ACOT12: variants seen among roughly 807,000 people sequenced by gnomAD.
The protein encoded by ACOT12 is acyl-CoA thioesterase 12.
Under a neutral mutation model 67.7 loss-of-function variants are expected in ACOT12, and 51 were observed. The observed-to-expected ratio is 0.75, with a 90% CI of 0.60 to 0.95. The LOEUF is 0.95. Among genes scored for constraint, ACOT12 ranks in the 40% least tolerant of loss-of-function variants. The pLI is 0.00. For synonymous variants in ACOT12, 251 were observed against 244.6 expected (o/e 1.03, Z -0.24); for missense variants, 734 against 708.1 (o/e 1.04, Z -0.41).
At chr5:81,382,968 T>G (rs1382407143) in intron 2 of ACOT12, among the ~76,000 whole-genome samples, 1 of 152,132 alleles carries the variant, frequency 6.6e-6, no homozygotes, top group Non-Finnish European at 1.5e-5. Flanking sequence ...AGAGAAGTAT[T>G]TTAGAAAATA....
In ACOT12 at chr5:81,362,172, T is replaced by C. The variant is rs10040257; in HGVS notation, c.360+1616A>G. ...GTGTGACTATTATATTCTTTTTTTTTTTTTTTTTTTGAGACGGAGTTTTGC... is the reference window on the plus strand; with the variant it reads ...GTGTGACTATTATATTCTTTTTTTTCTTTTTTTTTTGAGACGGAGTTTTGC... On this transcript the variant is annotated intron_variant, in intron 4 of 14. Coordinates refer to ENST00000307624, the MANE Select transcript of ACOT12 (RefSeq NM_130767.3). Among the ~76,000 whole-genome samples the C allele has an allele frequency of 8.2e-3, 1,246 of 151,406 alleles. 18 individuals are homozygous for C. The highest frequency in any genetic ancestry group is 0.028 in the African/African-American group (1,171 of 41,258).
chr5:81,358,049 C>T (rs11741735), intron 5 of ACOT12, among the ~76,000 whole-genome samples: 1 of 147,354 alleles, frequency 6.8e-6, no homozygotes, highest in African/African-American at 2.5e-5. Context: ...AGAAAAACAA[C>T]TGTATTTTGA....
chr5:81,329,101 T>C (rs551822987), downstream of ACOT12, among the ~76,000 whole-genome samples: 2 of 152,322 alleles, frequency 1.3e-5, no homozygotes, highest in Non-Finnish European at 2.9e-5. Flanking sequence ...GTGATCCAGC[T>C]ATCATCACTC....
chr5:81,367,835 T>A (rs941317093), intron 3 of ACOT12, among the ~76,000 whole-genome samples: 5 of 152,074 alleles, frequency 3.3e-5, no homozygotes, highest in Non-Finnish European at 7.4e-5. Context: ...CCCACTTACA[T>A]GTACAAAAAG....
chr5:81,354,705 T>TC (rs1491293822), intron 5 of ACOT12, among the ~76,000 whole-genome samples: 1 of 58,266 alleles, frequency 1.7e-5, no homozygotes, highest in Admixed American at 1.7e-4. Flanking sequence ...CAATTATGTC[T>TC]TTTTTTTTTT....
In ACOT12 at chr5:81,345,963, A is replaced by G. The variant is rs369118490; in HGVS notation, c.695T>C (p.Met232Thr). ...WAHPFLKSVDMFKFRGPSTVG... is the reference protein window; with the variant it reads ...WAHPFLKSVDTFKFRGPSTVG... Reference sequence around the variant, plus strand: ...TGTAGATGGTCCCCGGAACTTAAACATATCTACGGACTTCAGAAAGGGATG... The same window carrying G: ...TGTAGATGGTCCCCGGAACTTAAACGTATCTACGGACTTCAGAAAGGGATG... The change falls in exon 7 of 15, where the codon ATG (methionine) becomes ACG (threonine). Residue 232 changes from methionine (M) to threonine (T), a missense_variant. Physicochemically the swap from Met to Thr is moderately conservative, Grantham distance 81. Coordinates refer to ENST00000307624, the MANE Select transcript of ACOT12 (RefSeq NM_130767.3). 8.9e-5 allele frequency: 143 copies of G among 1,614,002 alleles called. No homozygotes were observed. The highest frequency in any genetic ancestry group is 1.1e-4 in the Non-Finnish European group (124 of 1,179,976).
chr5:81,393,934 G>A (rs1019012605), intron 1 of ACOT12, 54 bp downstream of exon 1: 3 of 1,273,706 alleles, frequency 2.4e-6, no homozygotes, highest in Non-Finnish European at 2.0e-6. Flanking sequence ...CCCAGCCGCC[G>A]CCGCTCCCGC....
chr5:81,380,144 C>T (rs1760535862), intron 2 of ACOT12, among the ~76,000 whole-genome samples: 1 of 152,124 alleles, frequency 6.6e-6, no homozygotes, highest in Non-Finnish European at 1.5e-5. Context: ...TTTATTAACC[C>T]TTAATTTTAT....
At chr5:81,379,021 A>G (rs1760500453) in intron 2 of ACOT12, among the ~76,000 whole-genome samples, 1 of 152,198 alleles carries the variant, frequency 6.6e-6, no homozygotes, top group Admixed American at 6.5e-5. Flanking sequence ...CTATAAAGAC[A>G]CATGAACACG....
chr5:81,380,538 TG>T (rs1760547111), intron 2 of ACOT12, among the ~76,000 whole-genome samples: 1 of 117,224 alleles, frequency 8.5e-6, no homozygotes, highest in South Asian at 2.6e-4. Flanking sequence ...CACTTCAGCC[TG>T]GGTGACAGAG....
At chr5:81,382,950 T>A (rs1384979117) in intron 2 of ACOT12, among the ~76,000 whole-genome samples, 1 of 152,202 alleles carries the variant, frequency 6.6e-6, no homozygotes, top group African/African-American at 2.4e-5. Flanking sequence ...TAGTGAGAGT[T>A]TCCCTCTAGA....
At position 81,331,266 on chromosome 5, in the gene ACOT12, A is replaced by G. The variant is rs139680556; in HGVS notation, c.1392-326T>C. Among the ~76,000 whole-genome samples the G allele has an allele frequency of 4.2e-3, 639 of 152,312 alleles. 4 individuals are homozygous for G. The highest frequency in any genetic ancestry group is 8.1e-3 in the Admixed American group (124 of 15,288). ...TTAAATTAAAAAACAGGCCGGGTGC[A>G]GTGGCTCACGCCTGTAATCCCAGCA... On this transcript the variant is annotated intron_variant, in intron 13 of 14. Transcript: ENST00000307624.
chr5:81,335,963 TATGCATA>T, intron 11 of ACOT12, 62 bp from the exon 12 acceptor site: 1 of 1,504,882 alleles, frequency 6.6e-7, no homozygotes, highest in Non-Finnish European at 9.0e-7. Flanking sequence ...TTAGAAACCA[TATGCATA>T]TATATGTAGT....
Position 81,330,291 on chromosome 5 carries a change from A to T in ACOT12, c.*103T>A. The T allele has an allele frequency of 7.5e-7, 1 of 1,325,526 alleles. No homozygotes were observed. The allele number at this position is 1,325,526 out of a possible 1,614,324, so 82.1% of individuals were successfully genotyped here. ...CCGTCACTGCATTTTGCTTAGGGTT[A>T]TATTAAATTATTTTGTGGCCCCAAA... On this transcript the variant is annotated 3_prime_UTR_variant, in exon 15 of 15. Coordinates refer to ENST00000307624, the MANE Select transcript of ACOT12 (RefSeq NM_130767.3).
At chr5:81,367,128 T>C (rs1458258660) in intron 3 of ACOT12, among the ~76,000 whole-genome samples, 2 of 152,046 alleles carry the variant, frequency 1.3e-5, no homozygotes, top group Non-Finnish European at 1.5e-5. Context: ...CTTTTAAATA[T>C]GAAGATGAAA....
the ACOT12 span, chr5:81,308,683 G>A: frequency 1.2e-6 from 2 of 1,612,670 alleles, no homozygotes; most frequent in Non-Finnish European, 1.7e-6. Context: ...AAATAACCAA[G>A]TGTAAGGCTA....
chr5:81,390,381 T>C (rs1387583958), intron 1 of ACOT12, among the ~76,000 whole-genome samples: 5 of 151,682 alleles, frequency 3.3e-5, no homozygotes, highest in African/African-American at 1.2e-4. Context: ...AGCCTAGCCA[T>C]TGAGTTTGTT....
At position 81,360,928 on chromosome 5, in the gene ACOT12, A is replaced by C. The variant is rs548524966; in HGVS notation, c.361-890T>G. ...CACTGTCTGTACTAAAAATACAAAAAGTAACCGGGTATGGTGGAGCACACC... is the reference window on the plus strand; with the variant it reads ...CACTGTCTGTACTAAAAATACAAAACGTAACCGGGTATGGTGGAGCACACC... On this transcript the variant is annotated intron_variant, in intron 4 of 14. Transcript: ENST00000307624. Among the ~76,000 whole-genome samples, 9 of 151,766 alleles carry C rather than the reference A, an allele frequency of 5.9e-5. No homozygotes were observed. The South Asian group carries it at 1.7e-3, about 28-fold the overall frequency.
the ACOT12 span, among the ~76,000 whole-genome samples, chr5:81,317,450 C>T: frequency 1.3e-5 from 2 of 150,070 alleles, no homozygotes; most frequent in South Asian, 4.2e-4. Context: ...TTCAGTGAGC[C>T]GAGATCGTGC....
Sources: allele counts gnomAD v4.1 joint callset (sites outside exome capture counted in the v4.1 genomes callset), GRCh38; gene constraint gnomAD v4.1.1; transcripts MANE v1.5; gene names NCBI Gene and HGNC (gene_info 2026-07-23, HGNC 2026-07-21).